The following RIT2 variants were observed in gnomAD, a reference collection of about 807,000 sequenced individuals.
RIT2 encodes the protein GTP-binding protein Rit2.
In RIT2, 24 loss-of-function variants were observed where a neutral mutation model predicts 23.7. The ratio of observed to expected loss-of-function variants is 1.01; its 90% confidence interval spans 0.73 to 1.43. The LOEUF (loss-of-function observed/expected upper bound fraction) is 1.43. Ranked by LOEUF, RIT2 falls within the 40% of genes most tolerant of loss-of-function variation. RIT2 has a pLI of 0.00. For synonymous variants in RIT2, 107 were observed against 91.1 expected, an observed-to-expected ratio of 1.17 and a Z score of -0.99; for missense variants, 236 against 266.9, an observed-to-expected ratio of 0.88 and a Z score of 0.81.
chr18:42,916,751 C>T (rs556332208), intron 4 of RIT2, among the ~76,000 whole-genome samples: 4 of 152,180 alleles, frequency 2.6e-5, no homozygotes, highest in Admixed American at 6.5e-5. Flanking sequence ...GACATTATCT[C>T]ATCTGTCCCA....
intron 2 of RIT2, among the ~76,000 whole-genome samples, chr18:42,989,932 T>C (rs1910799992): frequency 1.3e-5 from 2 of 151,990 alleles, no homozygotes; most frequent in East Asian, 1.9e-4. Flanking sequence ...ACAGAACAAG[T>C]AAGATAGATA....
chr18:42,784,033 G>A lies in RIT2; in HGVS notation c.427-40313C>T, dbSNP rs201984014. 1.4e-4 allele frequency among the ~76,000 whole-genome samples: 22 copies of A among 152,084 alleles called. No homozygotes were observed. In the East Asian group the frequency reaches 4.1e-3, roughly 28 times the overall value. On this transcript the variant is annotated intron_variant, in intron 4 of 4. Coordinates refer to ENST00000326695, the MANE Select transcript of RIT2 (RefSeq NM_002930.4). ...AGACATTTTCAAAGAATTAACAATG[G>A]CAAAACCATGCTTTCCTTGTTCACT...
chr18:42,998,559 T>A lies in RIT2; in HGVS notation c.161-24412A>T, dbSNP rs191169144. ...TGGAAATAGGTTTTGGATTTTTTTT[T>A]AAAAAGATCCCTTGGTGATTCTAAT... On this transcript the variant is annotated intron_variant, in intron 2 of 4. Coordinates refer to ENST00000326695, the MANE Select transcript of RIT2 (RefSeq NM_002930.4). Among the ~76,000 whole-genome samples the A allele has an allele frequency of 7.5e-3, 1,143 of 152,164 alleles. 18 individuals carry two copies. The highest frequency in any genetic ancestry group is 0.026 in the African/African-American group (1,063 of 41,528).
chr18:42,775,143 A>AC (rs1335806970), intron 4 of RIT2, among the ~76,000 whole-genome samples: 1 of 152,154 alleles, frequency 6.6e-6, no homozygotes, highest in African/African-American at 2.4e-5. Context: ...GACATATGCA[A>AC]CCTTCACCAC....
intron 4 of RIT2, among the ~76,000 whole-genome samples, chr18:42,830,522 T>G (rs1052076008): frequency 6.6e-6 from 1 of 152,190 alleles, no homozygotes; most frequent in Non-Finnish European, 1.5e-5. Context: ...GGGGAAATTA[T>G]ATGCTGCCCA....
intron 4 of RIT2, among the ~76,000 whole-genome samples, chr18:42,897,486 A>T (rs534817236): frequency 4.6e-5 from 7 of 152,220 alleles, no homozygotes; most frequent in Non-Finnish European, 8.8e-5. Flanking sequence ...AGTCTACCAC[A>T]TGCATTCCTA....
rs16977111 is a variant in RIT2, at chr18:42,898,512, T to C, written c.426+25060A>G. On this transcript the variant is annotated intron_variant, in intron 4 of 4. Coordinates refer to ENST00000326695, the MANE Select transcript of RIT2 (RefSeq NM_002930.4). ...ACCACAAAAACAAAAGAAGCAAGCA[T>C]GACATTATTACTGTAACAATATAAT... 4.1e-3 allele frequency among the ~76,000 whole-genome samples: 618 copies of C among 152,282 alleles called. 6 individuals are homozygous for C. The highest frequency in any genetic ancestry group is 0.036 in the East Asian group (188 of 5,190).
At chr18:42,999,188 G>A (rs570938041) in intron 2 of RIT2, among the ~76,000 whole-genome samples, 1 of 151,956 alleles carries the variant, frequency 6.6e-6, no homozygotes, top group East Asian at 1.9e-4. Context: ...ATCTTTATTT[G>A]CCTCTCAGGC....
rs555088092 is a variant in RIT2, at chr18:42,959,512, GA to G, written c.234+14561del. Among the ~76,000 whole-genome samples, 102 of 152,158 alleles carry G rather than the reference GA, an allele frequency of 6.7e-4. 1 individual carries two copies. Among genetic ancestry groups the G allele is most frequent in the Non-Finnish European group, 1.1e-3 (73 of 68,002 alleles). On this transcript the variant is annotated intron_variant, in intron 3 of 4. Coordinates refer to ENST00000326695, the MANE Select transcript of RIT2 (RefSeq NM_002930.4). ...TAAAAAGACAGTTTTCTCAGTTATT[GA>G]AAATTTTCATTTATCTTTCTCCTTT...
At chr18:42,825,666 A>C (rs892429078) in intron 4 of RIT2, among the ~76,000 whole-genome samples, 2 of 148,788 alleles carry the variant, frequency 1.3e-5, no homozygotes, top group Non-Finnish European at 3.0e-5. Flanking sequence ...TAACAGTAGC[A>C]AAGATTTCAT....
At chr18:43,090,831 G>A (rs543455299) in intron 1 of RIT2, among the ~76,000 whole-genome samples, 39 of 152,008 alleles carry the variant, frequency 2.6e-4, no homozygotes, top group Admixed American at 4.6e-4. Flanking sequence ...ATGAGAACAC[G>A]TGTACACATG....
chr18:42,878,704 T>C (rs1040522588), intron 4 of RIT2, among the ~76,000 whole-genome samples: 3 of 152,000 alleles, frequency 2.0e-5, no homozygotes, highest in African/African-American at 4.8e-5. Context: ...CATTTCGTTA[T>C]TCTTTTGGTG....
chr18:42,822,257 T>C (rs894613051), intron 4 of RIT2, among the ~76,000 whole-genome samples: 2 of 152,286 alleles, frequency 1.3e-5, no homozygotes, highest in Middle Eastern at 3.4e-3. Flanking sequence ...TGTTTTCTAT[T>C]CCTTTTAAAG....
Position 43,105,100 on chromosome 18 carries a change from CTGTGTGTG to C in RIT2, c.103+10309_103+10316del, listed in dbSNP as rs756311809. ...AGTCCTTTCTCTAACAGGCAGTGTG[CTGTGTGTG>C]TGTGTGTGTGTGTGTGTGTGTGTTT... On this transcript the variant is annotated intron_variant, in intron 1 of 4. Coordinates refer to ENST00000326695, the MANE Select transcript of RIT2 (RefSeq NM_002930.4). 1.2e-4 allele frequency among the ~76,000 whole-genome samples: 17 copies of C among 143,064 alleles called. No homozygotes were observed. The South Asian group carries it at 2.1e-3, about 17-fold the overall frequency. The allele number at this position is 143,064 out of a possible 152,430, so 93.9% of individuals were successfully genotyped here. A position where few individuals can be genotyped will look rare whatever the true frequency, so the allele number is the denominator to read the frequency against.
At chr18:42,857,921 C>T (rs1398303128) in intron 4 of RIT2, among the ~76,000 whole-genome samples, 2 of 152,188 alleles carry the variant, frequency 1.3e-5, no homozygotes, top group African/African-American at 4.8e-5. Context: ...TGGCTCATGC[C>T]TGTAATCCCA....
chr18:42,879,269 G>T (rs1357874948), intron 4 of RIT2, among the ~76,000 whole-genome samples: 1 of 151,956 alleles, frequency 6.6e-6, no homozygotes, highest in African/African-American at 2.4e-5. Flanking sequence ...CTCCTGTATT[G>T]TTCTACTCCT....
At chr18:43,092,909 A>G (rs1373844046) in intron 1 of RIT2, among the ~76,000 whole-genome samples, 1 of 152,036 alleles carries the variant, frequency 6.6e-6, no homozygotes, top group African/African-American at 2.4e-5. Context: ...TTGTTAGTAA[A>G]AGTTACACGT....
At chr18:43,084,392 T>G (rs1011489284) in intron 1 of RIT2, among the ~76,000 whole-genome samples, 1 of 152,074 alleles carries the variant, frequency 6.6e-6, no homozygotes, top group African/African-American at 2.4e-5. Flanking sequence ...TGAGTACATA[T>G]CCAAAGGATT....
chr18:42,964,526 T>C (rs902990959), intron 3 of RIT2, among the ~76,000 whole-genome samples: 6 of 152,150 alleles, frequency 3.9e-5, no homozygotes, highest in African/African-American at 1.4e-4. Context: ...GCCTATTTGA[T>C]TTTTCCCCTG....
Sources: allele counts gnomAD v4.1 joint callset (sites outside exome capture counted in the v4.1 genomes callset), GRCh38; gene constraint gnomAD v4.1.1; transcripts MANE v1.5; gene names NCBI Gene and HGNC (gene_info 2026-07-23, HGNC 2026-07-21).